Variants in OPRM1 observed in about 807,000 individuals in gnomAD.
The protein encoded by OPRM1 is mu-type opioid receptor.
A neutral mutation model predicts 31.8 loss-of-function variants in OPRM1; 27 were observed. That is an observed-to-expected ratio of 0.85 (90% CI 0.63 to 1.17). OPRM1 has a LOEUF of 1.17. Among genes scored for constraint, OPRM1 ranks in the 50% most tolerant of loss-of-function variants. The probability of loss-of-function intolerance (pLI) is 0.00; values close to 1 mark genes in which losing one functional copy is unlikely to be tolerated. For synonymous variants in OPRM1, 196 were observed against 189.9 expected (o/e 1.03, Z -0.26); for missense variants, 536 against 511.1 (o/e 1.05, Z -0.47).
At chr6:154,141,917 TC>T (rs35847268) in intron 3 of OPRM1, among the ~76,000 whole-genome samples, 1 of 152,162 alleles carries the variant, frequency 6.6e-6, no homozygotes, top group East Asian at 1.9e-4. Flanking sequence ...CTTTCACATC[TC>T]CCAATCCACA....
intron 3 of OPRM1, among the ~76,000 whole-genome samples, chr6:154,181,940 A>T (rs1481578417): frequency 1.3e-5 from 2 of 152,212 alleles, no homozygotes; most frequent in Non-Finnish European, 1.5e-5. Context: ...AGAAGATGAG[A>T]ACGTCAAGTT....
chr6:154,216,306 G>A (rs762621377), intron 3 of OPRM1, among the ~76,000 whole-genome samples: 3 of 152,064 alleles, frequency 2.0e-5, no homozygotes, highest in South Asian at 2.1e-4. Context: ...GGACTAAGAT[G>A]GGGGTGGGGG....
At chr6:154,087,643 T>G in intron 1 of OPRM1, 1 of 964,764 alleles carries the variant, frequency 1.0e-6, no homozygotes, top group Non-Finnish European at 1.2e-6. Context: ...TCTCACTGGC[T>G]CTGGTTGGAA....
intron 3 of OPRM1, among the ~76,000 whole-genome samples, chr6:154,166,029 T>C (rs1309731991): frequency 1.3e-5 from 2 of 152,258 alleles, no homozygotes; most frequent in Non-Finnish European, 2.9e-5. Context: ...CAGCCCCAGC[T>C]GACAGCTTGA....
At chr6:154,074,177 G>T (rs1263791010) in intron 1 of OPRM1, 1 of 152,130 alleles carries the variant, frequency 6.6e-6, no homozygotes, top group Non-Finnish European at 1.5e-5. Context: ...TCACTAGTTG[G>T]ATGTCTCCAG....
chr6:154,224,054 A>G (rs2128619162), intron 3 of OPRM1, among the ~76,000 whole-genome samples: 1 of 152,358 alleles, frequency 6.6e-6, no homozygotes, highest in South Asian at 2.1e-4. Flanking sequence ...ACAAAGCTAG[A>G]TTGTTCGTCA....
chr6:154,035,907 G>A (rs183253751), upstream of OPRM1, among the ~76,000 whole-genome samples: 5 of 152,194 alleles, frequency 3.3e-5, no homozygotes, highest in South Asian at 1.0e-3. Context: ...CAAAAAGACA[G>A]ATATTTCTAT....
At chr6:154,159,591 C>T (rs1227480949) in intron 3 of OPRM1, 2 of 520,974 alleles carry the variant, frequency 3.8e-6, no homozygotes, top group South Asian at 5.0e-5. Flanking sequence ...AGTAGGAACA[C>T]AAAAAACGCC....
At chr6:154,156,041 C>T (rs1453961560) in intron 3 of OPRM1, 1 of 152,144 alleles carries the variant, frequency 6.6e-6, no homozygotes, top group Non-Finnish European at 1.5e-5. Context: ...ACAGCACATG[C>T]CTCAAAAAGC....
At chr6:154,183,852 T>C (rs899067049) in intron 3 of OPRM1, among the ~76,000 whole-genome samples, 1 of 151,972 alleles carries the variant, frequency 6.6e-6, no homozygotes, top group African/African-American at 2.4e-5. Flanking sequence ...GTCATGCCAC[T>C]GCACTCCAGC....
chr6:154,055,578 G>GTT (rs1783108619), intron 1 of OPRM1, among the ~76,000 whole-genome samples: 1 of 151,922 alleles, frequency 6.6e-6, no homozygotes, highest in Non-Finnish European at 1.5e-5. Flanking sequence ...TATCTTTCTA[G>GTT]ACTCCTAAGT....
chr6:154,221,142 A>C, intron 3 of OPRM1: 1 of 746,050 alleles, frequency 1.3e-6, no homozygotes. Flanking sequence ...ATTAATCCTT[A>C]AAGTAACAGA....
chr6:154,139,058 A>G (rs1352364762), intron 3 of OPRM1, among the ~76,000 whole-genome samples: 2 of 152,218 alleles, frequency 1.3e-5, no homozygotes, highest in Non-Finnish European at 2.9e-5. Flanking sequence ...CACTCCCACC[A>G]AACTGTCTTT....
chr6:154,107,946 A>G, intron 3 of OPRM1: 1 of 477,496 alleles, frequency 2.1e-6, no homozygotes, highest in Non-Finnish European at 3.6e-6. Context: ...GGAGATAAAC[A>G]CTGATTTTTT....
At chr6:154,215,703 A>G (rs1484284514) in intron 3 of OPRM1, among the ~76,000 whole-genome samples, 2 of 152,234 alleles carry the variant, frequency 1.3e-5, no homozygotes, top group Non-Finnish European at 2.9e-5. Flanking sequence ...AATCACCTTC[A>G]GCACATAATA....
intron 3 of OPRM1, among the ~76,000 whole-genome samples, chr6:154,152,180 AAAG>A (rs1445933306): frequency 4.1e-4 from 59 of 145,128 alleles, no homozygotes; most frequent in Non-Finnish European, 5.4e-4. Flanking sequence ...CAAAAAAAAA[AAAG>A]AAAGAGAGAG....
At chr6:154,141,874 T>C (rs755309252) in intron 3 of OPRM1, among the ~76,000 whole-genome samples, 3 of 152,184 alleles carry the variant, frequency 2.0e-5, no homozygotes, top group Admixed American at 1.3e-4. Context: ...ATTTTCCTTT[T>C]ACCTTAGTGA....
At chr6:154,188,433 A>C (rs1337286195) in intron 3 of OPRM1, among the ~76,000 whole-genome samples, 1 of 152,236 alleles carries the variant, frequency 6.6e-6, no homozygotes, top group East Asian at 1.9e-4. Flanking sequence ...TGTTTCCCCC[A>C]GATTGAATCT....
At chr6:154,231,055 C>T (rs1359687271) in intron 3 of OPRM1, among the ~76,000 whole-genome samples, 1 of 152,164 alleles carries the variant, frequency 6.6e-6, no homozygotes, top group Non-Finnish European at 1.5e-5. Flanking sequence ...CTCAGTTACT[C>T]CCCAAAACCC....
Sources: allele counts gnomAD v4.1 joint callset (sites outside exome capture counted in the v4.1 genomes callset), GRCh38; gene constraint gnomAD v4.1.1; transcripts MANE v1.5; gene names NCBI Gene and HGNC (gene_info 2026-07-23, HGNC 2026-07-21).